SRSF11: variants seen among roughly 807,000 people sequenced by gnomAD.
SRSF11 encodes serine and arginine rich splicing factor 11.
In SRSF11, 9 loss-of-function variants were observed where a neutral mutation model predicts 56.0. The ratio of observed to expected loss-of-function variants is 0.16; its 90% CI spans 0.10 to 0.28. SRSF11 has a LOEUF of 0.28. Among genes scored for constraint, SRSF11 ranks in the 10% least tolerant of loss-of-function variants. SRSF11 has a pLI of 1.00. For synonymous variants in SRSF11, 222 were observed against 215.3 expected, an observed-to-expected ratio of 1.03 and a Z score of -0.27; for missense variants, 421 against 600.7, an observed-to-expected ratio of 0.70 and a Z score of 3.13.
chr1:70,243,232 C>T (rs1369720555), intron 7 of SRSF11, among the ~76,000 whole-genome samples: 1 of 148,456 alleles, frequency 6.7e-6, no homozygotes, highest in Non-Finnish European at 1.5e-5. Context: ...AGAATCCATG[C>T]ATACTCAAGT....
Position 70,221,663 on chromosome 1 carries a change from C to A in SRSF11, c.27C>A (p.Ser9Arg). Residue 9 changes from serine to arginine, a missense_variant, in exon 1 of 12, where the codon AGC (serine) becomes AGA (arginine). Ser to Arg is a moderately radical substitution (Grantham distance 110). This residue lies in a region of SRSF11 where 168 missense variants were observed against 294.9 expected (regional missense o/e 0.57). Coordinates refer to ENST00000370949, the MANE Select transcript of SRSF11 (RefSeq NM_001350605.2). MSNTTVVP[S>R]TAGPGPSGGP... is the part of the protein sequence containing the mutation. ...TGAGCAACACTACCGTCGTCCCCAG[C>A]ACTGCAGGTCCGGGCCCCAGCGGCG... The A allele has an allele frequency of 6.2e-7, 1 of 1,612,432 alleles. No individual in the cohort carries two copies. Among genetic ancestry groups the A allele is most frequent in the Non-Finnish European group, 8.5e-7 (1 of 1,178,986 alleles).
At chr1:70,241,317 CAG>C (rs1240134289) in intron 7 of SRSF11, among the ~76,000 whole-genome samples, 1 of 152,178 alleles carries the variant, frequency 6.6e-6, no homozygotes, top group Non-Finnish European at 1.5e-5. Context: ...ATTTCTGTCT[CAG>C]AGATGATCTT....
Position 70,233,606 on chromosome 1 carries a change from A to C in SRSF11, c.448-1090A>C, listed in dbSNP as rs577060209. ...TATGCAATAGCTATGTTGGACAGTA[A>C]GTTAAAATAGTATTAACACAGCATT... On this transcript the variant is annotated intron_variant, in intron 3 of 11. Coordinates refer to ENST00000370949, the MANE Select transcript of SRSF11 (RefSeq NM_001350605.2). Among the ~76,000 whole-genome samples, 500 of 152,374 alleles carry C rather than the reference A, an allele frequency of 3.3e-3. 5 individuals carry two copies. The highest frequency in any genetic ancestry group is 0.031 in the South Asian group (149 of 4,832).
chr1:70,248,694 ATGTACT>A (rs945515323), intron 9 of SRSF11: 14 of 152,086 alleles, frequency 9.2e-5, no homozygotes, highest in Non-Finnish European at 2.1e-4. Context: ...GCTTTATATA[ATGTACT>A]TGTAAGTGCC....
rs372390992 is a variant in SRSF11, at chr1:70,239,517, A to G, written c.797A>G (p.His266Arg). The change falls in exon 7 of 12, where the codon CAC becomes CGC. Residue 266 changes from histidine (H) to arginine (R), a missense_variant. Transcript: ENST00000370949. ...RRRRTPSSSR[H>R]RRSRSRSRRR... The stretch of plus-strand genomic sequence containing the variant: ...AGGAGGACTCCCTCATCTTCTAGAC[A>G]CAGGTTAGATTGCTTTTTAGTCAAT... 5.9e-5 allele frequency: 95 copies of G among 1,599,210 alleles called. No individual in the cohort carries two copies. The highest frequency in any genetic ancestry group is 7.3e-5 in the Non-Finnish European group (86 of 1,174,992).
intron 7 of SRSF11, among the ~76,000 whole-genome samples, chr1:70,240,069 G>A (rs1264347747): frequency 6.6e-6 from 1 of 152,056 alleles, no homozygotes; most frequent in Admixed American, 6.6e-5. Context: ...ATTCTCAAAG[G>A]TGATAATGAA....
At chr1:70,214,068 CAT>C (rs1179932550) in intron 1 of SRSF11, among the ~76,000 whole-genome samples, 2 of 152,082 alleles carry the variant, frequency 1.3e-5, no homozygotes, top group East Asian at 1.9e-4. Flanking sequence ...GGGAAAAAAA[CAT>C]AAAAGGTCAA....
At position 70,207,668 on chromosome 1, in the gene SRSF11, G is replaced by C. The variant is rs754186320; in HGVS notation, c.-26+1888G>C. On this transcript the variant is annotated intron_variant, in intron 1 of 12. Coordinates refer to the SRSF11 transcript ENST00000370950. Reference sequence around the variant, plus strand: ...CCACCTTTGGAGAATTGAATTGCTCGAGTACAAAATTTTACAGTAACCACC... The same window carrying C: ...CCACCTTTGGAGAATTGAATTGCTCCAGTACAAAATTTTACAGTAACCACC... 4.7e-5 allele frequency among the ~76,000 whole-genome samples: 7 copies of C among 150,286 alleles called. 1 individual carries two copies. Among genetic ancestry groups the C allele is most frequent in the African/African-American group, 1.7e-4 (7 of 40,814 alleles).
chr1:70,250,692 G>C lies in SRSF11; in HGVS notation c.1342G>C (p.Gly448Arg). ...KKEEKKPIET[G>R]SPKTKECSVE... ...AGAAGAGAAGAAACCAATAGAAACAGGTTCCCCTAAAACAAAGGAATGTTC... is the reference window on the plus strand; with the variant it reads ...AGAAGAGAAGAAACCAATAGAAACACGTTCCCCTAAAACAAAGGAATGTTC... Residue 448 changes from glycine to arginine, a missense_variant, in exon 12 of 12, where the codon GGT (glycine) becomes CGT (arginine). Coordinates refer to ENST00000370949, the MANE Select transcript of SRSF11 (RefSeq NM_001350605.2). 1 of 1,613,962 alleles carries C rather than the reference G, an allele frequency of 6.2e-7. No individual in the cohort carries two copies. The highest frequency in any genetic ancestry group is 8.5e-7 in the Non-Finnish European group (1 of 1,179,946).
At chr1:70,227,426 C>T (rs575942611) in intron 1 of SRSF11, among the ~76,000 whole-genome samples, 1 of 152,138 alleles carries the variant, frequency 6.6e-6, no homozygotes, top group African/African-American at 2.4e-5. Context: ...GGAGAAAGAA[C>T]TCAAACTTCA....
At chr1:70,247,919 A>G (rs1008344918) in intron 9 of SRSF11, among the ~76,000 whole-genome samples, 2 of 152,162 alleles carry the variant, frequency 1.3e-5, no homozygotes, top group East Asian at 1.9e-4. Context: ...AATCTGTTCA[A>G]CATCATTAGT....
At chr1:70,238,695 T>C (rs1674662719) in intron 6 of SRSF11, among the ~76,000 whole-genome samples, 1 of 152,202 alleles carries the variant, frequency 6.6e-6, no homozygotes, top group Admixed American at 6.5e-5. Flanking sequence ...AATCATGACT[T>C]TCTGCATTTG....
At chr1:70,248,079 T>C (rs1677158407) in intron 9 of SRSF11, among the ~76,000 whole-genome samples, 1 of 152,116 alleles carries the variant, frequency 6.6e-6, no homozygotes, top group African/African-American at 2.4e-5. Flanking sequence ...GCATTGCTAG[T>C]ATGAATATAA....
At chr1:70,229,368 T>C in intron 2 of SRSF11, 1 of 1,186,386 alleles carries the variant, frequency 8.4e-7, no homozygotes, top group South Asian at 1.6e-5. Context: ...TCTCTCTTTT[T>C]ACATTTTAGG....
chr1:70,235,882 A>G (rs1020638797), intron 5 of SRSF11, among the ~76,000 whole-genome samples: 2 of 152,242 alleles, frequency 1.3e-5, no homozygotes, highest in Non-Finnish European at 2.9e-5. Flanking sequence ...GGGAATCACT[A>G]TCCCAGAGCA....
chr1:70,246,938 AT>A (rs1228574984), intron 9 of SRSF11, 31 bp downstream of exon 9: 2 of 1,561,836 alleles, frequency 1.3e-6, no homozygotes, highest in Admixed American at 1.9e-5. Context: ...CTTGGCAATT[AT>A]TTTTTTAACT....
chr1:70,232,214 G>A, intron 2 of SRSF11, 54 bp from the exon 3 acceptor site: 3 of 1,613,708 alleles, frequency 1.9e-6, no homozygotes, highest in Non-Finnish European at 2.5e-6. Flanking sequence ...GTGTTTTTGT[G>A]TGTTTTCTGT....
intron 2 of SRSF11, chr1:70,231,528 C>T: frequency 9.3e-7 from 1 of 1,076,152 alleles, no homozygotes; most frequent in South Asian, 2.8e-5. Context: ...GTATGGTTAG[C>T]ATGGCACATG....
At chr1:70,239,306 G>T (rs558590793) in intron 6 of SRSF11, 133 bp from the exon 7 acceptor site, 1 of 610,062 alleles carries the variant, frequency 1.6e-6, no homozygotes, top group Non-Finnish European at 2.9e-6. Flanking sequence ...TGCCCAGGCT[G>T]GTCTTGAACT....
Sources: allele counts gnomAD v4.1 joint callset (sites outside exome capture counted in the v4.1 genomes callset), GRCh38; gene constraint gnomAD v4.1.1; regional missense constraint gnomAD v4.1.1; transcripts MANE v1.5; gene names NCBI Gene and HGNC (gene_info 2026-07-23, HGNC 2026-07-21).